The following CNTNAP2 variants were observed in gnomAD, a reference collection of about 807,000 sequenced individuals.
CNTNAP2 encodes contactin associated protein 2, also known as contactin-associated protein-like 2.
CNTNAP2 carries 98 observed loss-of-function variants against 155.2 expected under a neutral mutation model. The ratio of observed to expected loss-of-function variants is 0.63; its 90% CI spans 0.54 to 0.75. The LOEUF is 0.75. CNTNAP2 is among the 30% of genes least tolerant of loss of function. The probability of loss-of-function intolerance (pLI) is 0.00; values close to 1 mark genes in which losing one functional copy is unlikely to be tolerated. For synonymous variants in CNTNAP2, 651 were observed against 631.2 expected (o/e 1.03, Z -0.47); for missense variants, 1,727 against 1,688.1 (o/e 1.02, Z -0.40).
chr7:147,328,340 T>C (rs1196291307), intron 9 of CNTNAP2, among the ~76,000 whole-genome samples: 3 of 152,216 alleles, frequency 2.0e-5, no homozygotes, highest in Non-Finnish European at 2.9e-5. Flanking sequence ...AACTAAATCA[T>C]ACATTCTGTG....
chr7:148,310,237 A>G (rs1797569340), intron 21 of CNTNAP2, among the ~76,000 whole-genome samples: 1 of 152,230 alleles, frequency 6.6e-6, no homozygotes, highest in Non-Finnish European at 1.5e-5. Flanking sequence ...TTTGGGCTCT[A>G]TCCTTGAGTT....
intron 4 of CNTNAP2, among the ~76,000 whole-genome samples, chr7:147,087,990 CA>C (rs556193542): frequency 6.6e-6 from 1 of 151,308 alleles, no homozygotes; most frequent in Non-Finnish European, 1.5e-5. Flanking sequence ...AACAAAAAAA[CA>C]AAAAAAACAG....
chr7:146,685,469 G>C (rs1040089608), intron 1 of CNTNAP2, among the ~76,000 whole-genome samples: 1 of 152,074 alleles, frequency 6.6e-6, no homozygotes, highest in East Asian at 1.9e-4. Context: ...GGTACAGGCT[G>C]GTTGACATTT....
At chr7:147,931,543 A>G (rs1800504413) in intron 14 of CNTNAP2, among the ~76,000 whole-genome samples, 2 of 152,334 alleles carry the variant, frequency 1.3e-5, no homozygotes, top group South Asian at 2.1e-4. Context: ...AAATTCCTTA[A>G]TAAAATACTA....
rs536364126 is a variant in CNTNAP2, at chr7:147,358,433, T to C, written c.1499-37176T>C. Among the ~76,000 whole-genome samples the C allele has an allele frequency of 7.2e-5, 11 of 152,260 alleles. No individual in the cohort carries two copies. The South Asian group carries it at 2.3e-3, about 32-fold the overall frequency. On this transcript the variant is annotated intron_variant, in intron 9 of 23. Coordinates refer to ENST00000361727, the MANE Select transcript of CNTNAP2 (RefSeq NM_014141.6). ...GGTGTTATTGTCACAGAAATACTTATTTGTAAAAACATAAAGTAAATTAAT... is the reference window on the plus strand; with the variant it reads ...GGTGTTATTGTCACAGAAATACTTACTTGTAAAAACATAAAGTAAATTAAT...
chr7:146,681,253 A>C (rs771937598), intron 1 of CNTNAP2, among the ~76,000 whole-genome samples: 4 of 151,142 alleles, frequency 2.6e-5, no homozygotes, highest in Non-Finnish European at 5.9e-5. Flanking sequence ...CTTCCTGTAT[A>C]GTTGAGTCTT....
intron 1 of CNTNAP2, among the ~76,000 whole-genome samples, chr7:146,667,363 T>C (rs1166979125): frequency 6.6e-6 from 1 of 152,170 alleles, no homozygotes; most frequent in African/African-American, 2.4e-5. Flanking sequence ...GCCAGTACCA[T>C]GCTGTTTTGG....
chr7:146,439,930 C>A (rs1266536910), intron 1 of CNTNAP2, among the ~76,000 whole-genome samples: 1 of 151,470 alleles, frequency 6.6e-6, no homozygotes, highest in Non-Finnish European at 1.5e-5. Flanking sequence ...TCGAGACCAG[C>A]CTGGCCAACA....
At chr7:146,408,711 A>G (rs1260332381) in intron 1 of CNTNAP2, among the ~76,000 whole-genome samples, 2 of 152,104 alleles carry the variant, frequency 1.3e-5, no homozygotes, top group Non-Finnish European at 2.9e-5. Context: ...AACATGGCAC[A>G]TGAATACATA....
intron 1 of CNTNAP2, among the ~76,000 whole-genome samples, chr7:146,317,607 T>C (rs573198242): frequency 2.1e-4 from 32 of 152,318 alleles, no homozygotes; most frequent in Admixed American, 5.2e-4. Flanking sequence ...TTTTCTAAAA[T>C]AGGAGGTTTC....
chr7:146,528,843 C>G (rs573881959), intron 1 of CNTNAP2, among the ~76,000 whole-genome samples: 18 of 152,090 alleles, frequency 1.2e-4, no homozygotes, highest in Non-Finnish European at 2.1e-4. Context: ...GCAGGATGAG[C>G]TCAGTTACAC....
rs542315812 is a variant in CNTNAP2, at chr7:147,259,148, GT to G, written c.1349-40990del. Among the ~76,000 whole-genome samples the G allele has an allele frequency of 4.1e-4, 62 of 152,294 alleles. 1 individual carries two copies. In the East Asian group the frequency reaches 9.5e-3, roughly 23 times the overall value. ...CATGTATTTAAGTCTGTTCTCTCTA[GT>G]TTATCAGGTACCTGGCTGTAGGCAT... On this transcript the variant is annotated intron_variant, in intron 8 of 23. Coordinates refer to ENST00000361727, the MANE Select transcript of CNTNAP2 (RefSeq NM_014141.6).
chr7:148,331,240 AACAGATGGATGGAATGG>A (rs201595485), intron 21 of CNTNAP2, among the ~76,000 whole-genome samples: 49,602 of 109,630 alleles, frequency 0.45, 10,191 homozygotes, highest in African/African-American at 0.57. Flanking sequence ...GGATGGATGG[AACAGATGGATGGAATGG>A]ATGGATGGAT....
intron 1 of CNTNAP2, among the ~76,000 whole-genome samples, chr7:146,634,827 A>G (rs1203929334): frequency 2.0e-5 from 3 of 152,204 alleles, no homozygotes; most frequent in Admixed American, 2.0e-4. Context: ...AAACTCAGGG[A>G]CTGCAATGTT....
intron 14 of CNTNAP2, among the ~76,000 whole-genome samples, chr7:147,941,607 T>A (rs1800723282): frequency 6.6e-6 from 1 of 152,226 alleles, no homozygotes; most frequent in Non-Finnish European, 1.5e-5. Context: ...ATGTCGATTC[T>A]CTTCCAGAGT....
intron 13 of CNTNAP2, among the ~76,000 whole-genome samples, chr7:147,772,294 G>A (rs933813071): frequency 6.6e-6 from 1 of 150,716 alleles, no homozygotes; most frequent in African/African-American, 2.4e-5. Context: ...CATGGCGCCT[G>A]TAATCCCAGC....
intron 1 of CNTNAP2, among the ~76,000 whole-genome samples, chr7:146,604,482 T>C (rs71530746): frequency 0.26 from 20,347 of 77,542 alleles, 2,666 homozygotes; most frequent in Non-Finnish European, 0.37. Context: ...GGTGGGACTG[T>C]AAACTAGTTC....
At chr7:146,404,394 C>CACT (rs1240918079) in intron 1 of CNTNAP2, among the ~76,000 whole-genome samples, 1 of 152,112 alleles carries the variant, frequency 6.6e-6, no homozygotes, top group Admixed American at 6.5e-5. Flanking sequence ...ACATCCTTTT[C>CACT]ACTTGTGCGT....
intron 17 of CNTNAP2, among the ~76,000 whole-genome samples, chr7:148,167,257 A>G (rs1383111344): frequency 6.6e-6 from 1 of 152,062 alleles, no homozygotes; most frequent in Non-Finnish European, 1.5e-5. Context: ...CTTCTGCCTC[A>G]GCCTCCCAAG....
Sources: allele counts gnomAD v4.1 joint callset (sites outside exome capture counted in the v4.1 genomes callset), GRCh38; gene constraint gnomAD v4.1.1; transcripts MANE v1.5; gene names NCBI Gene and HGNC (gene_info 2026-07-23, HGNC 2026-07-21).